Variants in BOLL observed in about 807,000 individuals in gnomAD.
BOLL encodes the protein protein boule-like.
In BOLL, 23 loss-of-function variants were observed where a neutral mutation model predicts 44.4. The ratio of observed to expected loss-of-function variants is 0.52; its 90% CI spans 0.37 to 0.73. The LOEUF (loss-of-function observed/expected upper bound fraction) is 0.73, where lower values mean the gene tolerates loss of function less well. BOLL is among the 30% of genes least tolerant of loss of function. BOLL has a pLI of 0.00. For missense variants in BOLL, 287 were observed against 338.3 expected (o/e 0.85, Z 1.19); for synonymous variants, 97 against 110.8 (o/e 0.88, Z 0.78).
At chr2:197,749,985 C>G (rs1234798680) in intron 9 of BOLL, among the ~76,000 whole-genome samples, 1 of 152,074 alleles carries the variant, frequency 6.6e-6, no homozygotes, top group Non-Finnish European at 1.5e-5. Flanking sequence ...AGAGTAGCGG[C>G]CAATATTCAA....
At chr2:197,786,047 C>T (rs1244564465), upstream of BOLL, 1 of 1,603,526 alleles carries the variant, frequency 6.2e-7, no homozygotes, top group Admixed American at 1.7e-5. This position sits in a 1 kb window ranked among gnomAD's most constrained non-coding sequence, Gnocchi z 5.9. Context: ...GAAAAGAAGC[C>T]TAAAGTTTGA....
chr2:197,775,758 G>T lies in BOLL; in HGVS notation c.277-18C>A, dbSNP rs772978141. Reference sequence around the variant, plus strand: ...TTTTCAGCCTAAAATAAAGAAAAAAGAAATTATTTTATTATTTTAGCACTA... The same window carrying T: ...TTTTCAGCCTAAAATAAAGAAAAAATAAATTATTTTATTATTTTAGCACTA... On this transcript the variant is annotated intron_variant, in intron 4 of 10. Transcript: ENST00000392296. 4.3e-6 allele frequency: 6 copies of T among 1,382,716 alleles called. No homozygotes were observed. In the East Asian group the frequency reaches 9.7e-5, roughly 22 times the overall value. The allele number at this position is 1,382,716 out of a possible 1,614,324, so 85.7% of individuals were successfully genotyped here.
At chr2:197,729,123 G>A (rs185935372) in intron 10 of BOLL, among the ~76,000 whole-genome samples, 129 of 152,328 alleles carry the variant, frequency 8.5e-4, no homozygotes, top group African/African-American at 3.0e-3. Flanking sequence ...TGCGTGCACC[G>A]TGCGCAAGCT....
At chr2:197,745,774 C>T (rs963742225) in intron 9 of BOLL, among the ~76,000 whole-genome samples, 2 of 152,146 alleles carry the variant, frequency 1.3e-5, no homozygotes, top group African/African-American at 4.8e-5. Flanking sequence ...GATTCTGAAG[C>T]CTCCTCAGTC....
chr2:197,737,634 T>C (rs756783736), intron 10 of BOLL, among the ~76,000 whole-genome samples: 1 of 152,020 alleles, frequency 6.6e-6, no homozygotes. Context: ...ACAATTTGAG[T>C]CTCTAAATTG....
At chr2:197,752,246 A>C (rs1277297426) in intron 9 of BOLL, among the ~76,000 whole-genome samples, 1 of 152,220 alleles carries the variant, frequency 6.6e-6, no homozygotes, top group African/African-American at 2.4e-5. Flanking sequence ...GCACAAGACA[A>C]GGATGCCTTC....
chr2:197,754,750 AACACACACACACACACACAC>A (rs142614771), intron 9 of BOLL, among the ~76,000 whole-genome samples: 11 of 149,968 alleles, frequency 7.3e-5, no homozygotes, highest in African/African-American at 2.2e-4. Context: ...AAAACCCCAA[AACACACACACACACACACAC>A]ACACACACAC....
chr2:197,746,340 C>G (rs757499458), intron 9 of BOLL, among the ~76,000 whole-genome samples: 6 of 152,166 alleles, frequency 3.9e-5, no homozygotes, highest in Non-Finnish European at 7.3e-5. Flanking sequence ...AAAGATATCT[C>G]CATTTCCATG....
At chr2:197,745,251 AAG>A (rs1491157779) in intron 9 of BOLL, among the ~76,000 whole-genome samples, 1 of 152,158 alleles carries the variant, frequency 6.6e-6, no homozygotes, top group Non-Finnish European at 1.5e-5. Context: ...TTTTTAAAAA[AAG>A]AAATTTGACT....
intron 1 of BOLL, among the ~76,000 whole-genome samples, 191 bp from the exon 2 acceptor site, chr2:197,782,056 C>A (rs769039240): frequency 1.6e-4 from 24 of 152,036 alleles, no homozygotes; most frequent in Non-Finnish European, 2.8e-4. Flanking sequence ...AACTAGGAAA[C>A]ACAGAATCTA....
At chr2:197,777,316 A>C (rs1689564176) in intron 3 of BOLL, among the ~76,000 whole-genome samples, 2 of 151,894 alleles carry the variant, frequency 1.3e-5, no homozygotes, top group South Asian at 4.1e-4. Context: ...AAAAGAAAAA[A>C]AACCCCTGAG....
At chr2:197,778,035 A>G (rs978927010) in intron 3 of BOLL, among the ~76,000 whole-genome samples, 2 of 152,002 alleles carry the variant, frequency 1.3e-5, no homozygotes, top group Non-Finnish European at 2.9e-5. Context: ...GTTTACATTT[A>G]CATTTCCATG....
intron 9 of BOLL, among the ~76,000 whole-genome samples, chr2:197,743,497 G>A (rs1423388213): frequency 1.3e-5 from 2 of 152,106 alleles, no homozygotes; most frequent in Non-Finnish European, 2.9e-5. Flanking sequence ...TAGAATACAA[G>A]GAAAGCTTAA....
In BOLL at chr2:197,766,616, G is replaced by A. The variant is rs1289072426; in HGVS notation, c.481-13C>T. ...ATACAGAACGTGACTATAAAAGGAT[G>A]GAAAAAGAAAAATTAGGCAGAAGCC... On this transcript the variant is annotated splice_polypyrimidine_tract_variant and intron_variant, in intron 6 of 10. Coordinates refer to ENST00000392296, the MANE Select transcript of BOLL (RefSeq NM_033030.6). 17 of 1,597,672 alleles carry A rather than the reference G, an allele frequency of 1.1e-5. No homozygotes were observed. The highest frequency in any genetic ancestry group is 1.3e-5 in the Non-Finnish European group (15 of 1,169,884).
intron 10 of BOLL, among the ~76,000 whole-genome samples, chr2:197,742,580 C>T (rs1401372234): frequency 1.8e-4 from 28 of 151,902 alleles, no homozygotes; most frequent in African/African-American, 2.9e-4. Context: ...AACCAAACAC[C>T]GCATGTTCTC....
chr2:197,732,155 A>G (rs2106309835), intron 10 of BOLL, among the ~76,000 whole-genome samples: 1 of 152,146 alleles, frequency 6.6e-6, no homozygotes, highest in South Asian at 2.1e-4. Context: ...AGAAATACAA[A>G]CTACCATCAG....
intron 10 of BOLL, among the ~76,000 whole-genome samples, chr2:197,738,413 A>G (rs1222967731): frequency 6.6e-6 from 1 of 152,128 alleles, no homozygotes; most frequent in Non-Finnish European, 1.5e-5. Flanking sequence ...TTACTGCTGA[A>G]TTAGGGAATG....
chr2:197,757,287 A>T, intron 8 of BOLL, 66 bp downstream of exon 8: 1 of 1,372,262 alleles, frequency 7.3e-7, no homozygotes, highest in Non-Finnish European at 1.0e-6. Flanking sequence ...TTTAGTATTC[A>T]TGCAGTCATC....
intron 6 of BOLL, among the ~76,000 whole-genome samples, chr2:197,769,411 T>C (rs1689136466): frequency 6.6e-6 from 1 of 152,094 alleles, no homozygotes; most frequent in Non-Finnish European, 1.5e-5. Flanking sequence ...TGTCCAGGAA[T>C]TTATCCATTT....
Sources: gnomAD v4.1 joint callset for allele counts (sites outside exome capture counted in the v4.1 genomes callset) on GRCh38, gnomAD v4.1.1 for gene constraint, Gnocchi (gnomAD v3.1) non-coding constraint, MANE v1.5 for transcripts, NCBI Gene and HGNC (gene_info 2026-07-23, HGNC 2026-07-21) for gene names.